KIAA1755: variants seen among roughly 807,000 people sequenced by gnomAD.
KIAA1755 encodes KIAA1755.
Under a neutral mutation model 91.7 loss-of-function variants are expected in KIAA1755, and 68 were observed. That is an observed-to-expected ratio of 0.74 (90% CI 0.61 to 0.91). KIAA1755 has a LOEUF of 0.91. KIAA1755 is among the 40% of genes least tolerant of loss of function. The pLI is 0.00. For missense variants in KIAA1755, 1,535 were observed against 1,494.4 expected (o/e 1.03, Z -0.45); for synonymous variants, 610 against 604.6 (o/e 1.01, Z -0.13).
At chr20:38,213,850 A>G (rs1004560539) in intron 13 of KIAA1755, 107 bp from the exon 14 acceptor site, 1 of 761,356 alleles carries the variant, frequency 1.3e-6, no homozygotes, top group Non-Finnish European at 2.0e-6. Flanking sequence ...CTTGGCCATG[A>G]TCTTCTCCAC....
intron 4 of KIAA1755, 117 bp from the exon 5 acceptor site, chr20:38,231,442 T>C: frequency 2.7e-6 from 3 of 1,130,190 alleles, no homozygotes; most frequent in Non-Finnish European, 2.4e-6. Flanking sequence ...ACACCCTTTC[T>C]CTCCTTCTCC....
rs1377522915 is a variant in KIAA1755 at position 38,225,705 on chromosome 20, G to T, written c.2129C>A (p.Pro710His). ...PSQLPAVLEG[P>H]FPYCHTEWVH... ...CCACTCGGTGTGGCAGTAGGGGAAGGGGCCTTCCAGGACTGCGGGCAGCTG... is the reference window on the plus strand; with the variant it reads ...CCACTCGGTGTGGCAGTAGGGGAAGTGGCCTTCCAGGACTGCGGGCAGCTG... The change falls in exon 8 of 14, where the codon CCC becomes CAC. Residue 710 changes from proline (P) to histidine (H), a missense_variant. Physicochemically the swap from Pro to His is moderately conservative, Grantham distance 77 (BLOSUM62 -2). Coordinates refer to ENST00000279024, the MANE Select transcript of KIAA1755 (RefSeq NM_001029864.2). 2 of 1,613,230 alleles carry T rather than the reference G, an allele frequency of 1.2e-6. No individual in the cohort carries two copies. The highest frequency in any genetic ancestry group is 3.3e-5 in the Admixed American group (2 of 59,874).
rs768203043 is a variant in KIAA1755 at position 38,219,770 on chromosome 20, T to A, written c.2418-2A>T. 12 of 1,614,078 alleles carry A rather than the reference T, an allele frequency of 7.4e-6. No individual in the cohort carries two copies. In the South Asian group the frequency reaches 1.3e-4, roughly 18 times the overall value. ...GCAGTGGCTGCAGCCAGATGGCTCC[T>A]GGGAGGTGGGCGGAGGTGAGAAAAG... On this transcript the variant is annotated splice_acceptor_variant, in intron 10 of 13. Transcript: ENST00000279024. LOFTEE classifies it high-confidence loss of function.
At chr20:38,231,962 C>T (rs2075872402) in intron 4 of KIAA1755, among the ~76,000 whole-genome samples, 1 of 152,188 alleles carries the variant, frequency 6.6e-6, no homozygotes, top group Admixed American at 6.5e-5. Flanking sequence ...GGAATCTGGG[C>T]GGTGTGCCTC....
chr20:38,226,246 T>A (rs533000745), intron 7 of KIAA1755, among the ~76,000 whole-genome samples: 1 of 152,298 alleles, frequency 6.6e-6, no homozygotes, highest in Admixed American at 6.5e-5. Context: ...CTCTAAGACA[T>A]GGAAGAACTA....
In KIAA1755 at chr20:38,217,974, TGA is replaced by T. The variant is rs1273194137; in HGVS notation, c.2679+268_2679+269del. On this transcript the variant is annotated intron_variant, in intron 12 of 13. Transcript: ENST00000279024. ...CCTCCAACCCCCGGCTCTGTGAGGC[TGA>T]GTTATTAGGTCTAGGATGGGGCCCT... 3.7e-5 allele frequency: 18 copies of T among 492,708 alleles called. No homozygotes were observed. In the Admixed American group the frequency reaches 4.1e-4, roughly 11 times the overall value. 30.5% of individuals were successfully genotyped at this position (492,708 alleles called of 1,614,324 possible). A position where few individuals can be genotyped will look rare whatever the true frequency, so the allele number is the denominator to read the frequency against.
intron 8 of KIAA1755, among the ~76,000 whole-genome samples, chr20:38,224,259 C>T (rs2075715317): frequency 6.6e-6 from 1 of 152,090 alleles, no homozygotes; most frequent in East Asian, 1.9e-4. Flanking sequence ...TGTAGTGGGT[C>T]TACAGGTAAG....
chr20:38,219,139 T>G (rs931643196), intron 11 of KIAA1755, among the ~76,000 whole-genome samples: 21 of 152,114 alleles, frequency 1.4e-4, no homozygotes, highest in African/African-American at 5.1e-4. Context: ...CAGGGCTGTC[T>G]GATGCAGGAG....
intron 10 of KIAA1755, among the ~76,000 whole-genome samples, chr20:38,221,527 C>T (rs903423156): frequency 2.6e-5 from 4 of 152,168 alleles, no homozygotes; most frequent in African/African-American, 9.7e-5. Context: ...GATTCAAGTC[C>T]GGGCCCCACC....
Position 38,217,289 on chromosome 20 carries a change from G to T in KIAA1755, c.2865C>A (p.Leu955=). 1 of 1,606,966 alleles carries T rather than the reference G, an allele frequency of 6.2e-7. No individual in the cohort carries two copies. Among genetic ancestry groups the T allele is most frequent in the Non-Finnish European group, 8.5e-7 (1 of 1,177,540 alleles). Residue 955 remains leucine (L), a synonymous_variant, in exon 13 of 14, where the codon CTC becomes CTA. Transcript: ENST00000279024. ...YMAAERQRTD[L]ETLLHLHRFC... ...AGCGGTGCAGGTGGAGCAGCGTCTC[G>T]AGGTCCGTGCGTTGCCGCTCGGCCG... is the stretch of plus-strand genomic sequence containing the variant.
intron 4 of KIAA1755, 36 bp downstream of exon 4, chr20:38,239,492 C>G (rs1600625666): frequency 6.2e-7 from 1 of 1,605,344 alleles, no homozygotes; most frequent in East Asian, 2.2e-5. Context: ...GCCCCCAGCT[C>G]CCTCCCTACC....
At chr20:38,213,820 A>G in intron 13 of KIAA1755, 77 bp from the exon 14 acceptor site, 5 of 1,041,050 alleles carry the variant, frequency 4.8e-6, no homozygotes, top group Non-Finnish European at 6.7e-6. Flanking sequence ...ATAAGTGCCC[A>G]ATGCCAGGGC....
rs2075491745 is a variant in KIAA1755 at position 38,213,616 on chromosome 20, G to C, written c.3029C>G (p.Pro1010Arg). Residue 1010 changes from proline to arginine, a missense_variant, in exon 14 of 14, where the codon CCT becomes CGT. Transcript: ENST00000279024. The stretch of plus-strand genomic sequence containing the variant: ...CCCCACGGCTGCGAGCTTCTCAGCA[G>C]GGAACTCAGATGCCAGTCGCTGCAG... The part of the protein sequence containing the change: ...RYLQRLASEF[P>R]AEKLAAVGLQ... 1 of 1,611,174 alleles carries C rather than the reference G, an allele frequency of 6.2e-7. No individual in the cohort carries two copies. The highest frequency in any genetic ancestry group is 1.3e-5 in the African/African-American group (1 of 74,920).
chr20:38,230,781 G>A (rs1035321927), intron 5 of KIAA1755, among the ~76,000 whole-genome samples: 4 of 151,974 alleles, frequency 2.6e-5, no homozygotes, highest in African/African-American at 9.7e-5. Context: ...CCAGCTACTC[G>A]GGAGGCTGAG....
chr20:38,217,985 G>C (rs2075582163), intron 12 of KIAA1755: 2 of 532,750 alleles, frequency 3.8e-6, no homozygotes, highest in Admixed American at 6.4e-5. Context: ...GAGTTATTAG[G>C]TCTAGGATGG....
intron 1 of KIAA1755, among the ~76,000 whole-genome samples, chr20:38,258,001 G>A (rs1430087953): frequency 1.3e-5 from 2 of 151,750 alleles, no homozygotes; most frequent in East Asian, 1.9e-4. Flanking sequence ...CGGGGTTCAA[G>A]TGATTCTCCT....
chr20:38,242,067 G>C, intron 2 of KIAA1755, 138 bp from the exon 3 acceptor site: 1 of 851,096 alleles, frequency 1.2e-6, no homozygotes, highest in Non-Finnish European at 1.8e-6. Flanking sequence ...GGCACTCACT[G>C]TCAAGGTTGT....
In KIAA1755 at chr20:38,227,188, G is replaced by T; in HGVS notation, c.2018C>A (p.Ala673Glu). ...AGGTAATGTCTGCAGCTGGAGAGCC[G>T]CCTCCTTCTCCCCCAGGAAGAGAAT... is the stretch of plus-strand genomic sequence containing the variant. ...RAILFLGEKE[A>E]ALQLQTLPDV... is the part of the protein sequence containing the mutation. Residue 673 changes from alanine to glutamate, a missense_variant, in exon 7 of 14, where the codon GCG (alanine) becomes GAG (glutamate). Transcript: ENST00000279024. 1.9e-6 allele frequency: 3 copies of T among 1,613,782 alleles called. No individual in the cohort carries two copies. Among genetic ancestry groups the T allele is most frequent in the Non-Finnish European group, 2.5e-6 (3 of 1,179,806 alleles).
chr20:38,239,876 T>C lies in KIAA1755; in HGVS notation c.1550-151A>G, dbSNP rs141824101. ...GGCATTGCGCTAAGCCCCTTACTTC[T>C]AGTGTTACCCCTCCCCACACCTCAC... On this transcript the variant is annotated intron_variant, in intron 3 of 13. Transcript: ENST00000279024. 7.0e-5 allele frequency: 52 copies of C among 745,660 alleles called. No individual in the cohort carries two copies. In the East Asian group the frequency reaches 1.4e-3, roughly 20 times the overall value. 46.2% of individuals were successfully genotyped at this position (745,660 alleles called of 1,614,324 possible). A position where few individuals can be genotyped will look rare whatever the true frequency, so the allele number is the denominator to read the frequency against.
Sources: allele counts gnomAD v4.1 joint callset (sites outside exome capture counted in the v4.1 genomes callset), GRCh38; gene constraint gnomAD v4.1.1; transcripts MANE v1.5; gene names NCBI Gene and HGNC (gene_info 2026-07-23, HGNC 2026-07-21).